UBXN2B: variants seen among roughly 807,000 people sequenced by gnomAD.
UBXN2B encodes the protein UBX domain-containing protein 2B.
In UBXN2B, 19 loss-of-function variants were observed where a neutral mutation model predicts 37.5. The observed-to-expected ratio is 0.51, with a 90% CI of 0.35 to 0.74. UBXN2B has a LOEUF of 0.74. UBXN2B is among the 30% of genes least tolerant of loss of function. The pLI is 0.01. For synonymous variants in UBXN2B, 145 were observed against 143.8 expected, an observed-to-expected ratio of 1.01 and a Z score of -0.06; for missense variants, 370 against 393.2, an observed-to-expected ratio of 0.94 and a Z score of 0.50.
intron 1 of UBXN2B, among the ~76,000 whole-genome samples, chr8:58,412,986 C>A (rs937396777): frequency 2.0e-5 from 3 of 152,106 alleles, no homozygotes; most frequent in Admixed American, 6.5e-5. Flanking sequence ...ATGTCCTTTC[C>A]CTAATTTAAA....
At chr8:58,443,960 A>C (rs987055430) in intron 6 of UBXN2B, among the ~76,000 whole-genome samples, 4 of 152,212 alleles carry the variant, frequency 2.6e-5, no homozygotes, top group Admixed American at 2.0e-4. Flanking sequence ...ATAAAATGAT[A>C]TGGTTGGCCT....
intron 3 of UBXN2B, among the ~76,000 whole-genome samples, chr8:58,432,925 A>G (rs1027733319): frequency 6.6e-6 from 1 of 152,162 alleles, no homozygotes; most frequent in Non-Finnish European, 1.5e-5. Context: ...TTTGACATCC[A>G]TTGTTGAGAA....
chr8:58,417,245 T>C (rs1328642137), intron 2 of UBXN2B, among the ~76,000 whole-genome samples: 1 of 152,204 alleles, frequency 6.6e-6, no homozygotes, highest in African/African-American at 2.4e-5. Context: ...CTATTTTTCT[T>C]GGGCACAATG....
chr8:58,437,128 A>C (rs1038890900), intron 5 of UBXN2B, among the ~76,000 whole-genome samples: 3 of 152,166 alleles, frequency 2.0e-5, no homozygotes, highest in African/African-American at 7.2e-5. Context: ...AAGTATTGAT[A>C]GAAATATGGA....
intron 2 of UBXN2B, among the ~76,000 whole-genome samples, chr8:58,427,661 G>T (rs1269894925): frequency 6.6e-6 from 1 of 152,190 alleles, no homozygotes; most frequent in Admixed American, 6.5e-5. Flanking sequence ...TTGTTAATGG[G>T]AGGGCTTATG....
At chr8:58,434,366 TATA>T (rs571595066) in intron 4 of UBXN2B, 26 bp from the exon 5 acceptor site, 13,441 of 552,082 alleles carry the variant, frequency 0.024, 205 homozygotes, top group African/African-American at 0.11. Flanking sequence ...TATATATATA[TATA>T]TTTTTTTTTT....
chr8:58,430,943 T>C (rs940098597), intron 3 of UBXN2B, among the ~76,000 whole-genome samples: 1 of 152,206 alleles, frequency 6.6e-6, no homozygotes, highest in Admixed American at 6.5e-5. Flanking sequence ...CATGTACCTT[T>C]CACTTCAATG....
At chr8:58,434,569 T>C (rs1808366175) in intron 5 of UBXN2B, 65 bp downstream of exon 5, 1 of 1,172,838 alleles carries the variant, frequency 8.5e-7, no homozygotes, top group South Asian at 1.8e-5. Flanking sequence ...AACAGACTAC[T>C]CATTATTAGT....
Position 58,411,452 on chromosome 8 carries a change from AGC to A in UBXN2B, c.73_74del (p.Arg25GlyfsTer11). ...GAGGTCTTCCGGGCCGCGGCCTCCG[AGC>A]GCGCGGGATTTGCAGGTGAGGCGAG... is the stretch of plus-strand genomic sequence containing the variant. Reference protein sequence around the residue: ...ERRSSGPRPPSARDLQLALAE... With the variant: ...ERRSSGPRPPXARDLQLALAE... On this transcript the variant is annotated frameshift_variant, in exon 1 of 8. Transcript: ENST00000399598. LOFTEE classifies it high-confidence loss of function. 2 of 1,254,678 alleles carry A rather than the reference AGC, an allele frequency of 1.6e-6. No homozygotes were observed. The highest frequency in any genetic ancestry group is 2.0e-6 in the Non-Finnish European group (2 of 994,344). 77.7% of individuals were successfully genotyped at this position (1,254,678 alleles called of 1,614,324 possible). A position where few individuals can be genotyped will look rare whatever the true frequency, so the allele number is the denominator to read the frequency against.
chr8:58,422,415 G>A (rs1807952518), intron 2 of UBXN2B, among the ~76,000 whole-genome samples: 2 of 152,152 alleles, frequency 1.3e-5, no homozygotes, highest in South Asian at 4.1e-4. Flanking sequence ...TAACTTCACA[G>A]CAAAGATGCC....
chr8:58,434,819 G>T (rs1369941782), intron 5 of UBXN2B: 1 of 1,534,842 alleles, frequency 6.5e-7, no homozygotes, highest in African/African-American at 1.4e-5. Flanking sequence ...GTATGTAGCT[G>T]CCCACCCACT....
intron 1 of UBXN2B, chr8:58,413,408 C>T (rs1420858502): frequency 6.6e-6 from 1 of 152,136 alleles, no homozygotes; most frequent in African/African-American, 2.4e-5. Flanking sequence ...AAATAATGTT[C>T]TTCCCAAATG....
chr8:58,416,073 A>G (rs929847481), intron 1 of UBXN2B, among the ~76,000 whole-genome samples: 2 of 151,806 alleles, frequency 1.3e-5, no homozygotes, highest in Non-Finnish European at 2.9e-5. Flanking sequence ...AAAACAAAAA[A>G]AAAAACCGGA....
In UBXN2B at chr8:58,426,085, A is replaced by G. The variant is rs113374514; in HGVS notation, c.189-4434A>G. 1.8e-5 allele frequency: 25 copies of G among 1,392,366 alleles called. 2 individuals are homozygous for G. The highest frequency in any genetic ancestry group is 7.1e-5 in the African/African-American group (5 of 70,074). The allele number at this position is 1,392,366 out of a possible 1,614,324, so 86.3% of individuals were successfully genotyped here. A position where few individuals can be genotyped will look rare whatever the true frequency, so the allele number is the denominator to read the frequency against. On this transcript the variant is annotated intron_variant, in intron 2 of 7. Coordinates refer to ENST00000399598, the MANE Select transcript of UBXN2B (RefSeq NM_001077619.2). ...TCAGAGGATATTTAAGCTCAATAAC[A>G]TCTCCATTCTTCTCTTTTAATTGCC... is the stretch of plus-strand genomic sequence containing the variant.
At chr8:58,438,158 T>C (rs569621197) in intron 5 of UBXN2B, among the ~76,000 whole-genome samples, 2 of 152,294 alleles carry the variant, frequency 1.3e-5, no homozygotes, top group South Asian at 4.1e-4. Context: ...ACTGTAAGCC[T>C]TGGTGGCTTT....
chr8:58,442,765 G>A (rs573397311), intron 6 of UBXN2B, among the ~76,000 whole-genome samples: 20 of 152,314 alleles, frequency 1.3e-4, no homozygotes, highest in African/African-American at 4.3e-4. Flanking sequence ...GAGGACTAGC[G>A]AGTAGGCATT....
chr8:58,434,907 A>C, intron 5 of UBXN2B: 1 of 1,535,616 alleles, frequency 6.5e-7, no homozygotes, highest in Non-Finnish European at 8.7e-7. Flanking sequence ...TATGTTAGAA[A>C]TCTTTTAATG....
chr8:58,434,998 C>G (rs1343556494), intron 5 of UBXN2B: 4 of 1,526,326 alleles, frequency 2.6e-6, no homozygotes, highest in African/African-American at 2.7e-5. Flanking sequence ...ATTCAGTGCT[C>G]TCACCCATCC....
intron 7 of UBXN2B, among the ~76,000 whole-genome samples, chr8:58,447,160 A>G (rs1808700713): frequency 6.6e-6 from 1 of 152,092 alleles, no homozygotes; most frequent in Non-Finnish European, 1.5e-5. Flanking sequence ...TTACCTGAAG[A>G]TTGTTTCCAT....
Sources: allele counts gnomAD v4.1 joint callset (sites outside exome capture counted in the v4.1 genomes callset), GRCh38; gene constraint gnomAD v4.1.1; transcripts MANE v1.5; gene names NCBI Gene and HGNC (gene_info 2026-07-23, HGNC 2026-07-21).